RPS5: variants seen among roughly 807,000 people sequenced by gnomAD.
The protein encoded by RPS5 is ribosomal protein S5, also known as small ribosomal subunit protein uS7.
A neutral mutation model predicts 20.9 loss-of-function variants in RPS5; 2 were observed. That is an observed-to-expected ratio of 0.10 (90% CI 0.04 to 0.30). The LOEUF is 0.30. Ranked by LOEUF, RPS5 falls within the 10% of genes least tolerant of loss-of-function variation. The pLI, the probability that RPS5 is intolerant of heterozygous loss-of-function variation, is 1.00. For synonymous variants in RPS5, 112 were observed against 105.8 expected (o/e 1.06, Z -0.36); for missense variants, 122 against 287.2 (o/e 0.42, Z 4.16).
Position 58,394,697 on chromosome 19 carries a change from T to C in RPS5, c.562T>C (p.Tyr188His). Residue 188 changes from tyrosine to histidine, a missense_variant, in exon 6 of 6, where the codon TAT (tyrosine) becomes CAT (histidine). Physicochemically the swap from Tyr to His is moderately conservative, Grantham distance 83. Around this residue, in one of 6 missense-constraint regions of RPS5, gnomAD observed 8 missense variants for 50.2 expected, o/e 0.16. Transcript: ENST00000196551. Reference sequence around the variant, plus strand: ...CTCCTTGCAGGGCTCCTCGAACTCCTATGCCATTAAGAAGAAGGACGAGCT... The same window carrying C: ...CTCCTTGCAGGGCTCCTCGAACTCCCATGCCATTAAGAAGAAGGACGAGCT... ...INAAKGSSNS[Y>H]AIKKKDELER... 1.2e-6 allele frequency: 2 copies of C among 1,614,160 alleles called. No individual in the cohort carries two copies. Among genetic ancestry groups the C allele is most frequent in the Non-Finnish European group, 1.7e-6 (2 of 1,180,040 alleles).
intron 2 of RPS5, 68 bp from the exon 3 acceptor site, chr19:58,392,908 G>A: frequency 6.8e-7 from 1 of 1,460,714 alleles, no homozygotes; most frequent in Non-Finnish European, 9.5e-7. Flanking sequence ...TCTCTCCTCT[G>A]GTGTCTGGCC....
At chr19:58,391,930 C>CA (rs1419984615) in intron 2 of RPS5, among the ~76,000 whole-genome samples, 1 of 151,880 alleles carries the variant, frequency 6.6e-6, no homozygotes, top group Non-Finnish European at 1.5e-5. Context: ...TCTCAAAAAA[C>CA]AAAAAACCAA....
chr19:58,388,331 TAAGTC>T, intron 2 of RPS5, 86 bp downstream of exon 2: 1 of 919,432 alleles, frequency 1.1e-6, no homozygotes, highest in South Asian at 1.4e-5. Flanking sequence ...GCTGTGCCAT[TAAGTC>T]AAGAATAGAG....
chr19:58,393,373 C>G lies in RPS5; in HGVS notation c.333C>G (p.Val111=). The G allele has an allele frequency of 6.2e-7, 1 of 1,613,862 alleles. No homozygotes were observed. The highest frequency in any genetic ancestry group is 8.5e-7 in the Non-Finnish European group (1 of 1,180,006). Residue 111 remains valine, a synonymous_variant, in exon 4 of 6, where the codon GTC becomes GTG. Coordinates refer to ENST00000196551, the MANE Select transcript of RPS5 (RefSeq NM_001009.4). ...CTTCTCTCTAGAACCCTCTGCAGGT[C>G]CTGGTGAACGCCATCATCAACAGTG... ...HLLTGENPLQ[V]LVNAIINSGP...
rs138606473 is a variant in RPS5 at position 58,389,463 on chromosome 19, T to C, written c.108+1218T>C. On this transcript the variant is annotated intron_variant, in intron 2 of 5. Transcript: ENST00000196551. ...CTTTTGTTTTATAAAGAATGAAAAC[T>C]TTTTTGTTGTCTGTAAAGATGTCAG... is the stretch of plus-strand genomic sequence containing the variant. Among the ~76,000 whole-genome samples, 65 of 152,270 alleles carry C rather than the reference T, an allele frequency of 4.3e-4. 1 individual carries two copies. The East Asian group carries it at 0.01, about 24-fold the overall frequency.
chr19:58,389,041 T>C (rs2052346989), intron 2 of RPS5, among the ~76,000 whole-genome samples: 1 of 152,192 alleles, frequency 6.6e-6, no homozygotes. Flanking sequence ...AATTGGGAAG[T>C]GTGAGTTGTC....
chr19:58,392,099 A>G (rs8109932), intron 2 of RPS5, among the ~76,000 whole-genome samples: 70,024 of 151,980 alleles, frequency 0.46, 16,607 homozygotes, highest in African/African-American at 0.56. Flanking sequence ...AGGCAGGCAG[A>G]TCACTTGAGG....
chr19:58,389,572 C>A (rs1383161900), intron 2 of RPS5, among the ~76,000 whole-genome samples: 1 of 151,676 alleles, frequency 6.6e-6, no homozygotes, highest in African/African-American at 2.4e-5. Context: ...TTCTTTCCTT[C>A]AGGGGTTTAT....
chr19:58,393,771 G>C (rs1406590643), intron 4 of RPS5: 3 of 381,612 alleles, frequency 7.9e-6, no homozygotes, highest in Non-Finnish European at 1.4e-5. Flanking sequence ...TTGAGAATCA[G>C]TTGCAGACAT....
intron 1 of RPS5, chr19:58,387,718 C>G (rs895200746): frequency 1.8e-5 from 4 of 223,930 alleles, no homozygotes; most frequent in South Asian, 5.4e-5. Flanking sequence ...CGGTACCTAC[C>G]GTGGTCCTTG....
In RPS5 at chr19:58,394,741, C is replaced by A. The variant is rs760298776; in HGVS notation, c.606C>A (p.Ser202=). The change falls in exon 6 of 6, where the codon TCC becomes TCA. Residue 202 remains serine, a synonymous_variant. Coordinates refer to ENST00000196551, the MANE Select transcript of RPS5 (RefSeq NM_001009.4). ...ACGAGCTGGAGCGTGTGGCCAAGTC[C>A]AACCGCTGATTTTCCCAGCTGCTGC... ...KKDELERVAK[S]NR is the part of the protein sequence containing the mutation. The A allele has an allele frequency of 1.0e-4, 167 of 1,614,038 alleles. No individual in the cohort carries two copies. The highest frequency in any genetic ancestry group is 2.2e-4 in the Admixed American group (13 of 60,024).
At chr19:58,392,639 G>T (rs1049912805) in intron 2 of RPS5, among the ~76,000 whole-genome samples, 1 of 151,784 alleles carries the variant, frequency 6.6e-6, no homozygotes, top group South Asian at 2.1e-4. Flanking sequence ...AAACTGAAGG[G>T]GTTGCCAGTG....
At chr19:58,394,257 C>T (rs962179412) in intron 4 of RPS5, 1 of 530,158 alleles carries the variant, frequency 1.9e-6, no homozygotes, top group South Asian at 2.2e-5. Context: ...TAGCAGTTTG[C>T]TGTTGAGGCA....
intron 4 of RPS5, chr19:58,394,182 C>CA: frequency 3.1e-6 from 1 of 321,758 alleles, no homozygotes; most frequent in East Asian, 6.5e-5. Context: ...AACTCCCTGC[C>CA]AAAGTGTTCC....
rs2052374309 is a variant in RPS5 at position 58,393,087 on chromosome 19, A to G, written c.220A>G (p.Asn74Asp). The change falls in exon 3 of 6, where the codon AAC (asparagine) becomes GAC (aspartate). Residue 74 changes from asparagine (N) to aspartate (D), a missense_variant. Asn to Asp is a conservative substitution (Grantham distance 23, BLOSUM62 1). Coordinates refer to ENST00000196551, the MANE Select transcript of RPS5 (RefSeq NM_001009.4). ...GTGTCCCATTGTGGAGCGCCTCACT[A>G]ACTCCATGATGATGCACGGCCGCAA... The part of the protein sequence containing the change: ...AQCPIVERLT[N>D]SMMMHGRNNG... The G allele has an allele frequency of 6.2e-7, 1 of 1,614,108 alleles. No homozygotes were observed. Among genetic ancestry groups the G allele is most frequent in the South Asian group, 1.1e-5 (1 of 91,092 alleles).
intron 2 of RPS5, 33 bp downstream of exon 2, chr19:58,388,278 T>G (rs1387454665): frequency 2.1e-6 from 3 of 1,451,112 alleles, no homozygotes; most frequent in Non-Finnish European, 2.9e-6. Context: ...CCTTCCTGGC[T>G]GGGGGCGGAC....
intron 2 of RPS5, among the ~76,000 whole-genome samples, chr19:58,390,465 T>G (rs2052356086): frequency 4.6e-5 from 5 of 109,564 alleles, no homozygotes; most frequent in South Asian, 3.4e-4. Context: ...TGAGATGGAG[T>G]CGCTCTGTCA....
chr19:58,393,134 T>C lies in RPS5; in HGVS notation c.267T>C (p.Thr89=), dbSNP rs368930275. 251 of 1,614,122 alleles carry C rather than the reference T, an allele frequency of 1.6e-4. No individual in the cohort carries two copies. The highest frequency in any genetic ancestry group is 1.9e-4 in the Non-Finnish European group (226 of 1,180,046). The change falls in exon 3 of 6, where the codon ACT becomes ACC. Residue 89 remains threonine (T), a synonymous_variant. Transcript: ENST00000196551. ...HGRNNGKKLM[T]VRIVKHAFEI... is the part of the protein sequence containing the mutation. ...GCAACAACGGCAAGAAGCTCATGAC[T>C]GTGCGCATCGTCAAGCATGCCTTCG...
intron 2 of RPS5, among the ~76,000 whole-genome samples, chr19:58,390,797 A>G (rs945689835): frequency 3.3e-5 from 5 of 151,946 alleles, no homozygotes; most frequent in Admixed American, 1.3e-4. Context: ...GGTGTTTGCA[A>G]TTTTTTGCTG....
Sources: allele counts gnomAD v4.1 joint callset (sites outside exome capture counted in the v4.1 genomes callset), GRCh38; gene constraint gnomAD v4.1.1; regional missense constraint gnomAD v4.1.1; transcripts MANE v1.5; gene names NCBI Gene and HGNC (gene_info 2026-07-23, HGNC 2026-07-21).